Variants in DPP10 observed in about 807,000 individuals in gnomAD.
DPP10 encodes the protein dipeptidyl peptidase like 10.
A neutral mutation model predicts 120.9 loss-of-function variants in DPP10; 33 were observed. The observed-to-expected ratio is 0.27, with a 90% CI of 0.21 to 0.37. The LOEUF (loss-of-function observed/expected upper bound fraction) is 0.37. Ranked by LOEUF, DPP10 falls within the 10% of genes least tolerant of loss-of-function variation. DPP10 has a pLI of 1.00. For synonymous variants in DPP10, 337 were observed against 326.1 expected (o/e 1.03, Z -0.36); for missense variants, 816 against 942.8 (o/e 0.87, Z 1.76).
chr2:115,401,048 A>G (rs2068036861), intron 3 of DPP10, among the ~76,000 whole-genome samples: 2 of 152,198 alleles, frequency 1.3e-5, no homozygotes. Context: ...AAAGTTAGCC[A>G]AGAGATTCTG....
chr2:115,498,318 G>A (rs572587538), intron 3 of DPP10, among the ~76,000 whole-genome samples: 224 of 152,170 alleles, frequency 1.5e-3, no homozygotes, highest in African/African-American at 5.1e-3. Context: ...TAAATTGTAC[G>A]TGTAACTATT....
At chr2:115,643,227 T>C (rs561709474) in intron 5 of DPP10, among the ~76,000 whole-genome samples, 1 of 152,264 alleles carries the variant, frequency 6.6e-6, no homozygotes, top group African/African-American at 2.4e-5. Context: ...ACTGTTACGG[T>C]ACGTACAACT....
At chr2:114,909,882 A>G (rs1694237328) in intron 1 of DPP10, among the ~76,000 whole-genome samples, 1 of 151,758 alleles carries the variant, frequency 6.6e-6, no homozygotes, top group African/African-American at 2.4e-5. Context: ...GAAACATCTA[A>G]AAAAATAAGC....
intron 3 of DPP10, among the ~76,000 whole-genome samples, chr2:115,359,590 A>G (rs1360551402): frequency 6.6e-6 from 1 of 152,148 alleles, no homozygotes; most frequent in Non-Finnish European, 1.5e-5. Flanking sequence ...TCTATTGAAT[A>G]TGTGCCTTAG....
chr2:115,273,538 G>A (rs1213115491), intron 1 of DPP10, among the ~76,000 whole-genome samples: 15 of 152,142 alleles, frequency 9.9e-5, no homozygotes, highest in African/African-American at 3.1e-4. Context: ...GGTTTTCACC[G>A]TGTTAGCCAG....
At chr2:114,857,439 A>G (rs531280753) in intron 1 of DPP10, among the ~76,000 whole-genome samples, 7 of 152,282 alleles carry the variant, frequency 4.6e-5, no homozygotes, top group East Asian at 1.9e-4. Context: ...GTTAAGCCAT[A>G]TAAGATATTG....
chr2:115,179,347 C>T (rs907154615), intron 1 of DPP10, among the ~76,000 whole-genome samples: 1 of 151,860 alleles, frequency 6.6e-6, no homozygotes, highest in African/African-American at 2.4e-5. Context: ...GACATAATCC[C>T]GCATTATTAA....
At chr2:114,624,733 TTTAA>T (rs1046628440) in intron 1 of DPP10, among the ~76,000 whole-genome samples, 6 of 151,942 alleles carry the variant, frequency 3.9e-5, no homozygotes, top group Non-Finnish European at 8.8e-5. Flanking sequence ...AGTTTTTTGG[TTTAA>T]TTAATAAACA....
chr2:114,558,120 C>T (rs1286105790), intron 1 of DPP10, among the ~76,000 whole-genome samples: 1 of 152,168 alleles, frequency 6.6e-6, no homozygotes, highest in East Asian at 1.9e-4. Flanking sequence ...ACAATAAACA[C>T]TTCTAATGTA....
chr2:114,700,340 A>AAACT (rs1559016353), intron 1 of DPP10, among the ~76,000 whole-genome samples: 1 of 152,120 alleles, frequency 6.6e-6, no homozygotes, highest in Non-Finnish European at 1.5e-5. Context: ...TAAAACAAAC[A>AAACT]AACTCCTAGG....
At chr2:114,854,377 C>T (rs1441255178) in intron 1 of DPP10, among the ~76,000 whole-genome samples, 3 of 152,250 alleles carry the variant, frequency 2.0e-5, no homozygotes, top group Admixed American at 6.5e-5. Flanking sequence ...ACTCTAGTCT[C>T]GTCATTAAGT....
At chr2:114,499,458 C>T (rs1682965081) in intron 1 of DPP10, among the ~76,000 whole-genome samples, 1 of 152,312 alleles carries the variant, frequency 6.6e-6, no homozygotes, top group South Asian at 2.1e-4. Context: ...CTGGACAACT[C>T]TATAGTACAC....
chr2:115,066,444 A>T (rs1706848154), intron 1 of DPP10, among the ~76,000 whole-genome samples: 2 of 152,210 alleles, frequency 1.3e-5, no homozygotes, highest in South Asian at 4.1e-4. Flanking sequence ...ACCTAAATAT[A>T]AAATTAGAGC....
At chr2:114,572,674 T>A (rs767151451) in intron 1 of DPP10, among the ~76,000 whole-genome samples, 5 of 152,146 alleles carry the variant, frequency 3.3e-5, no homozygotes, top group Non-Finnish European at 7.4e-5. Context: ...TTGAGGTTAA[T>A]GAAGGGGAAG....
At chr2:115,509,123 G>T (rs972489543) in intron 4 of DPP10, among the ~76,000 whole-genome samples, 15 of 152,028 alleles carry the variant, frequency 9.9e-5, no homozygotes, top group Admixed American at 9.8e-4. Flanking sequence ...GATCAGATTT[G>T]CTTTTGGAAA....
chr2:114,812,023 A>C (rs986729670), intron 1 of DPP10, among the ~76,000 whole-genome samples: 1 of 152,170 alleles, frequency 6.6e-6, no homozygotes, highest in Non-Finnish European at 1.5e-5. Flanking sequence ...ATTTTCCTCT[A>C]TGCGAGTTTC....
chr2:115,492,058 C>T (rs935927629), intron 3 of DPP10, among the ~76,000 whole-genome samples: 3 of 151,994 alleles, frequency 2.0e-5, no homozygotes, highest in Non-Finnish European at 4.4e-5. Flanking sequence ...TTCTAAATAA[C>T]GTCACAACAG....
intron 1 of DPP10, among the ~76,000 whole-genome samples, chr2:114,879,134 CTT>C (rs372569269): frequency 1.4e-5 from 2 of 141,216 alleles, no homozygotes; most frequent in African/African-American, 5.2e-5. Flanking sequence ...CAGGTAAATT[CTT>C]TTTTTTTTTT....
At chr2:114,516,809 G>A (rs928752533) in intron 1 of DPP10, among the ~76,000 whole-genome samples, 4 of 152,232 alleles carry the variant, frequency 2.6e-5, no homozygotes, top group Admixed American at 6.5e-5. Context: ...ACACTGTTGG[G>A]CTTTTTTTAA....
Sources: allele counts gnomAD v4.1 joint callset (sites outside exome capture counted in the v4.1 genomes callset), GRCh38; gene constraint gnomAD v4.1.1; transcripts MANE v1.5; gene names NCBI Gene and HGNC (gene_info 2026-07-23, HGNC 2026-07-21).